DIAPH2: variants seen among roughly 807,000 people sequenced by gnomAD.
DIAPH2 encodes protein diaphanous homolog 2.
In DIAPH2, 35 loss-of-function variants were observed where a neutral mutation model predicts 92.7. The observed-to-expected ratio is 0.38, with a 90% CI of 0.29 to 0.50. The LOEUF (loss-of-function observed/expected upper bound fraction) is 0.50, where lower values mean the gene tolerates loss of function less well. Among genes scored for constraint, DIAPH2 ranks in the 20% least tolerant of loss-of-function variants. The pLI, the probability that DIAPH2 is intolerant of heterozygous loss-of-function variation, is 0.94. For missense variants in DIAPH2, 701 were observed against 819.5 expected (o/e 0.86, Z 1.77); for synonymous variants, 301 against 280.4 (o/e 1.07, Z -0.73).
intron 22 of DIAPH2, among the ~76,000 whole-genome samples, chrX:97,147,316 AT>A (rs67168549): frequency 0.46 from 49,508 of 106,618 alleles, 8,449 homozygotes; most frequent in Non-Finnish European, 0.53. Flanking sequence ...AAAACATTGA[AT>A]TTTTTTTTTC....
chrX:97,203,434 T>C (rs2067769786), intron 22 of DIAPH2, among the ~76,000 whole-genome samples: 1 of 110,105 alleles, frequency 9.1e-6, no homozygotes, highest in African/African-American at 3.3e-5. Flanking sequence ...GCCAGACTAA[T>C]AAAGAAGAAA....
At position 97,604,002 on chromosome X, in the gene DIAPH2, T is replaced by G. The variant is rs1448049329; in HGVS notation, c.*4685T>G. 8.9e-6 allele frequency: 1 copy of G among 112,695 alleles called. No homozygotes were observed. The highest frequency in any genetic ancestry group is 1.9e-5 in the Non-Finnish European group (1 of 53,310). The allele number at this position is 112,695 out of a possible 1,213,427, so 9.3% of individuals were successfully genotyped here. The stretch of plus-strand genomic sequence containing the variant: ...AGATTCCCATGGCTGCTGTAACAAA[T>G]TACCCTCTAGCCCAGTGGCTTAAAA... On this transcript the variant is annotated 3_prime_UTR_variant, in exon 27 of 27. Coordinates refer to ENST00000324765, the MANE Select transcript of DIAPH2 (RefSeq NM_006729.5).
chrX:97,533,378 T>C (rs185333207), intron 26 of DIAPH2: 4 of 111,936 alleles, frequency 3.6e-5, no homozygotes, highest in Admixed American at 2.8e-4. Context: ...CGAGTTGTTA[T>C]GTCTTCTTAG....
chrX:97,184,901 C>T (rs1202874537), intron 22 of DIAPH2, among the ~76,000 whole-genome samples: 3 of 110,130 alleles, frequency 2.7e-5, no homozygotes, highest in South Asian at 3.9e-4. Context: ...TGCAGCGGCA[C>T]GTTGTATAAT....
intron 22 of DIAPH2, among the ~76,000 whole-genome samples, chrX:97,157,005 T>A (rs950186045): frequency 5.4e-5 from 6 of 111,158 alleles, no homozygotes; most frequent in African/African-American, 2.0e-4. Flanking sequence ...GGCTGCATGG[T>A]TAAGGGAACA....
intron 2 of DIAPH2, 50 bp downstream of exon 2, chrX:96,735,840 A>T (rs20386): frequency 0.21 from 140,562 of 682,569 alleles, 10,217 homozygotes; most frequent in East Asian, 0.31. Context: ...GTTGCCTTTT[A>T]ATTAAAATGG....
In DIAPH2 at chrX:97,188,014, A is replaced by T. The variant is rs895938120; in HGVS notation, c.2719+46220A>T. 2.7e-5 allele frequency among the ~76,000 whole-genome samples: 3 copies of T among 111,876 alleles called. 1 individual carries two copies. In the Admixed American group the frequency reaches 2.9e-4, roughly 11 times the overall value. ...CTCTGGGTGAAGATTTTAAGCATGT[A>T]GTTAGAAGTTTTACCTGGAGAGATA... On this transcript the variant is annotated intron_variant, in intron 22 of 26. Transcript: ENST00000324765.
chrX:96,794,123 T>G (rs1455351865), intron 4 of DIAPH2, among the ~76,000 whole-genome samples: 2 of 111,665 alleles, frequency 1.8e-5, no homozygotes, highest in Non-Finnish European at 3.8e-5. Flanking sequence ...GATGGCACCA[T>G]CTTACAACCT....
At chrX:97,073,648 C>T (rs781327466) in intron 18 of DIAPH2, among the ~76,000 whole-genome samples, 1 of 111,974 alleles carries the variant, frequency 8.9e-6, no homozygotes, top group South Asian at 3.7e-4. Flanking sequence ...TTTGGTCTGT[C>T]ACTACAGTAG....
chrX:97,181,323 G>A (rs747339471), intron 22 of DIAPH2, among the ~76,000 whole-genome samples: 4 of 110,654 alleles, frequency 3.6e-5, no homozygotes, highest in Non-Finnish European at 5.7e-5. Flanking sequence ...TGCTGGCCTC[G>A]GCCTCCCAAC....
chrX:97,534,812 C>T (rs760847432), intron 26 of DIAPH2, among the ~76,000 whole-genome samples: 1 of 111,475 alleles, frequency 9.0e-6, no homozygotes, highest in Non-Finnish European at 1.9e-5. Context: ...CAATTGGCTA[C>T]CTCAGCCAGG....
intron 26 of DIAPH2, among the ~76,000 whole-genome samples, chrX:97,498,377 C>A (rs905671982): frequency 4.5e-5 from 5 of 111,495 alleles, no homozygotes; most frequent in African/African-American, 1.6e-4. Context: ...CATTAAGTTA[C>A]CCCAAGAAAA....
At position 96,876,209 on chromosome X, in the gene DIAPH2, G is replaced by A. The variant is rs1380607190; in HGVS notation, c.448-5370G>A. Among the ~76,000 whole-genome samples the A allele has an allele frequency of 9.9e-5, 11 of 111,526 alleles. No individual in the cohort carries two copies. In the Admixed American group the frequency reaches 1.0e-3, roughly 11 times the overall value. ...GAAATGCAAATCAAAACCACAATGA[G>A]ATACCATCTCACACCAGTTAGAATG... On this transcript the variant is annotated intron_variant, in intron 4 of 26. Transcript: ENST00000324765.
rs1338229745 is a variant in DIAPH2 at position 97,602,659 on chromosome X, G to T, written c.*3342G>T. ...TTCTTGGACTATGGATTGGGCCTCT[G>T]CCTCTGTGCCTATGGGTTGCACTTC... is the stretch of plus-strand genomic sequence containing the variant. On this transcript the variant is annotated 3_prime_UTR_variant, in exon 27 of 27. Transcript: ENST00000324765. The T allele has an allele frequency of 3.6e-5, 4 of 111,920 alleles. No homozygotes were observed. Among genetic ancestry groups the T allele is most frequent in the Non-Finnish European group, 7.5e-5 (4 of 53,231 alleles). 9.2% of individuals were successfully genotyped at this position (111,920 alleles called of 1,213,427 possible).
chrX:96,949,967 C>T (rs2065764164), intron 15 of DIAPH2, among the ~76,000 whole-genome samples: 1 of 110,579 alleles, frequency 9.0e-6, no homozygotes, highest in African/African-American at 3.3e-5. Context: ...GTCTAGTGAA[C>T]GATTACTTCA....
chrX:97,487,381 TCTC>T (rs1394858150), intron 26 of DIAPH2, among the ~76,000 whole-genome samples: 1 of 111,355 alleles, frequency 9.0e-6, no homozygotes, highest in African/African-American at 3.3e-5. Flanking sequence ...TTCAAGCAAT[TCTC>T]CTGCCTCAGC....
At chrX:96,807,982 A>AAAAAAAAAC (rs2064642934) in intron 4 of DIAPH2, among the ~76,000 whole-genome samples, 1 of 66,903 alleles carries the variant, frequency 1.5e-5, no homozygotes, top group Admixed American at 1.9e-4. Context: ...AAAAAAAAAA[A>AAAAAAAAAC]AGTCTCCTTG....
At chrX:97,202,335 G>A (rs2067758243) in intron 22 of DIAPH2, among the ~76,000 whole-genome samples, 2 of 111,404 alleles carry the variant, frequency 1.8e-5, no homozygotes, top group Non-Finnish European at 3.8e-5. Flanking sequence ...ATGTAAATGG[G>A]CTAAATGCCG....
chrX:97,282,045 C>T (rs1250425666), intron 23 of DIAPH2, among the ~76,000 whole-genome samples: 1 of 110,475 alleles, frequency 9.1e-6, no homozygotes, highest in African/African-American at 3.3e-5. Flanking sequence ...AAAAAAAAAG[C>T]ATTGATGAGG....
Sources: gnomAD v4.1 joint callset for allele counts (sites outside exome capture counted in the v4.1 genomes callset) on GRCh38, gnomAD v4.1.1 for gene constraint, MANE v1.5 for transcripts, NCBI Gene and HGNC (gene_info 2026-07-23, HGNC 2026-07-21) for gene names.